KATNIP: variants seen among roughly 807,000 people sequenced by gnomAD.
The protein encoded by KATNIP is katanin-interacting protein.
A neutral mutation model predicts 174.0 loss-of-function variants in KATNIP; 126 were observed. The observed-to-expected ratio is 0.72, with a 90% CI of 0.63 to 0.84. The LOEUF is 0.84. Among genes scored for constraint, KATNIP ranks in the 40% least tolerant of loss-of-function variants. KATNIP has a pLI of 0.00. For synonymous variants in KATNIP, 810 were observed against 835.7 expected (o/e 0.97, Z 0.53); for missense variants, 1,958 against 2,109.7 (o/e 0.93, Z 1.41).
chr16:27,715,526 A>G (rs2079894324), intron 13 of KATNIP, among the ~76,000 whole-genome samples: 1 of 152,228 alleles, frequency 6.6e-6, no homozygotes, highest in South Asian at 2.1e-4. Context: ...GGGAGAAAAT[A>G]TCTGCACATC....
At chr16:27,609,430 G>T (rs2075819588) in intron 2 of KATNIP, among the ~76,000 whole-genome samples, 2 of 105,080 alleles carry the variant, frequency 1.9e-5, no homozygotes, top group African/African-American at 7.5e-5. Context: ...TCGCTTTGTT[G>T]CCCAGGCCAA....
At chr16:27,663,112 G>A (rs2077574061) in intron 6 of KATNIP, among the ~76,000 whole-genome samples, 1 of 128,532 alleles carries the variant, frequency 7.8e-6, no homozygotes, top group Non-Finnish European at 1.6e-5. Context: ...CCTGACTTAA[G>A]TTAAATGTTT....
chr16:27,618,622 A>G, intron 3 of KATNIP, 121 bp downstream of exon 3: 2 of 666,826 alleles, frequency 3.0e-6, no homozygotes, highest in South Asian at 1.7e-5. Context: ...CCCTCCACTC[A>G]GAGGCTTAGA....
intron 2 of KATNIP, among the ~76,000 whole-genome samples, chr16:27,585,108 G>A (rs2090843448): frequency 6.6e-6 from 1 of 152,134 alleles, no homozygotes; most frequent in African/African-American, 2.4e-5. Context: ...GTAAATGTGA[G>A]ACTCAGTTTC....
At chr16:27,594,951 A>G (rs1291474157) in intron 2 of KATNIP, among the ~76,000 whole-genome samples, 1 of 152,202 alleles carries the variant, frequency 6.6e-6, no homozygotes. Flanking sequence ...ACAATGGGGA[A>G]AAAAGAGGAG....
intron 15 of KATNIP, among the ~76,000 whole-genome samples, chr16:27,748,421 C>G (rs1254813180): frequency 2.0e-5 from 3 of 151,596 alleles, no homozygotes; most frequent in Admixed American, 6.6e-5. Context: ...CCCATCTCTA[C>G]CAAAAAAATA....
intron 13 of KATNIP, chr16:27,718,328 C>T (rs1023958627): frequency 3.9e-5 from 6 of 152,272 alleles, no homozygotes; most frequent in Middle Eastern, 3.2e-3. Context: ...CTGCTGTATT[C>T]CTTACCCCCT....
rs140795651 is a variant in KATNIP at position 27,617,117 on chromosome 16, G to C, written c.64-1308G>C. ...CCCCCAGCCATAATAAATTATACCA[G>C]AGATTATCTCTGATGGTCAGATTAT... On this transcript the variant is annotated intron_variant, in intron 2 of 27. Transcript: ENST00000261588. Among the ~76,000 whole-genome samples, 1,110 of 152,144 alleles carry C rather than the reference G, an allele frequency of 7.3e-3. 23 individuals carry two copies. Among genetic ancestry groups the C allele is most frequent in the African/African-American group, 0.025 (1,047 of 41,492 alleles).
intron 8 of KATNIP, among the ~76,000 whole-genome samples, chr16:27,691,074 T>A (rs1367914244): frequency 1.3e-5 from 2 of 152,190 alleles, no homozygotes; most frequent in African/African-American, 2.4e-5. Context: ...TTGTTGTCCT[T>A]AAATTTCATA....
chr16:27,767,926 C>T (rs1284841785), intron 20 of KATNIP, among the ~76,000 whole-genome samples: 1 of 152,200 alleles, frequency 6.6e-6, no homozygotes, highest in African/African-American at 2.4e-5. Flanking sequence ...AGCCTTCTGC[C>T]TCAAGTTGTG....
At chr16:27,711,598 G>A (rs2079577354) in intron 13 of KATNIP, among the ~76,000 whole-genome samples, 1 of 152,234 alleles carries the variant, frequency 6.6e-6, no homozygotes, top group South Asian at 2.1e-4. Flanking sequence ...AGACTGAATA[G>A]GGCAGGACAT....
At chr16:27,688,459 C>T (rs984786502) in intron 8 of KATNIP, among the ~76,000 whole-genome samples, 3 of 151,976 alleles carry the variant, frequency 2.0e-5, no homozygotes, top group Admixed American at 1.3e-4. Flanking sequence ...GACATGGTGG[C>T]GGTCACCTGT....
chr16:27,712,891 G>A (rs558703192), intron 13 of KATNIP, among the ~76,000 whole-genome samples: 22 of 152,130 alleles, frequency 1.4e-4, no homozygotes, highest in African/African-American at 5.3e-4. Flanking sequence ...CTGCAGCCTC[G>A]ACCTCCTGGG....
chr16:27,721,645 G>T lies in KATNIP; in HGVS notation c.1693G>T (p.Asp565Tyr). 2 of 1,614,170 alleles carry T rather than the reference G, an allele frequency of 1.2e-6. No individual in the cohort carries two copies. The highest frequency in any genetic ancestry group is 2.2e-5 in the East Asian group (1 of 44,890). Reference protein sequence around the residue: ...FVIRNTRQLGDFHLAKIKVRN... With the variant: ...FVIRNTRQLGYFHLAKIKVRN... ...TATTCGAAACACAAGACAGCTGGGGGACTTCCATCTGGCCAAGATCAAGGT... is the reference window on the plus strand; with the variant it reads ...TATTCGAAACACAAGACAGCTGGGGTACTTCCATCTGGCCAAGATCAAGGT... Residue 565 changes from aspartate (D) to tyrosine (Y), a missense_variant, in exon 14 of 28, where the codon GAC becomes TAC. Asp to Tyr is a radical substitution (Grantham distance 160). Transcript: ENST00000261588.
chr16:27,633,574 G>A (rs2076554041), intron 5 of KATNIP, among the ~76,000 whole-genome samples: 1 of 151,874 alleles, frequency 6.6e-6, no homozygotes, highest in Admixed American at 6.6e-5. Flanking sequence ...TTTCAGGCAT[G>A]AGCCTCCACG....
At chr16:27,677,137 G>A (rs925635189) in intron 6 of KATNIP, among the ~76,000 whole-genome samples, 21 of 152,180 alleles carry the variant, frequency 1.4e-4, no homozygotes, top group African/African-American at 5.1e-4. Context: ...AAAAAATCTT[G>A]AAGCAGTTGT....
chr16:27,728,364 G>A (rs187366757), intron 14 of KATNIP, among the ~76,000 whole-genome samples: 162 of 152,340 alleles, frequency 1.1e-3, no homozygotes, highest in East Asian at 0.01. Context: ...AGTTCCAAGA[G>A]GGTCAGCTTT....
At chr16:27,551,846 C>G (rs894029170) in intron 1 of KATNIP, among the ~76,000 whole-genome samples, 1 of 152,100 alleles carries the variant, frequency 6.6e-6, no homozygotes, top group African/African-American at 2.4e-5. Flanking sequence ...GGGCGAGACT[C>G]TGTCTCAAAA....
At chr16:27,759,295 G>A (rs1255270397) in intron 18 of KATNIP, among the ~76,000 whole-genome samples, 1 of 152,166 alleles carries the variant, frequency 6.6e-6, no homozygotes, top group East Asian at 1.9e-4. Context: ...AAACAACAAG[G>A]CGAGCAGGGT....
Sources: gnomAD v4.1 joint callset for allele counts (sites outside exome capture counted in the v4.1 genomes callset) on GRCh38, gnomAD v4.1.1 for gene constraint, MANE v1.5 for transcripts, NCBI Gene and HGNC (gene_info 2026-07-23, HGNC 2026-07-21) for gene names.